The following CNTNAP5 variants were observed in gnomAD, a reference collection of about 807,000 sequenced individuals.
The protein encoded by CNTNAP5 is contactin associated protein family member 5, also known as contactin-associated protein-like 5.
Under a neutral mutation model 150.2 loss-of-function variants are expected in CNTNAP5, and 72 were observed. That is an observed-to-expected ratio of 0.48 (90% CI 0.40 to 0.58). CNTNAP5 has a LOEUF of 0.58. Ranked by LOEUF, CNTNAP5 falls within the 20% of genes least tolerant of loss-of-function variation. The probability of loss-of-function intolerance (pLI) is 0.00; values close to 1 mark genes in which losing one functional copy is unlikely to be tolerated. For synonymous variants in CNTNAP5, 672 were observed against 619.8 expected (o/e 1.08, Z -1.25); for missense variants, 1,636 against 1,626.2 (o/e 1.01, Z -0.10).
chr2:124,302,816 C>T (rs2104647786), intron 3 of CNTNAP5, among the ~76,000 whole-genome samples: 1 of 152,272 alleles, frequency 6.6e-6, no homozygotes, highest in East Asian at 1.9e-4. Flanking sequence ...GAGTGTGTTG[C>T]AAAGAGTACT....
intron 22 of CNTNAP5, among the ~76,000 whole-genome samples, chr2:124,906,120 C>A (rs1031858840): frequency 6.6e-6 from 1 of 152,070 alleles, no homozygotes; most frequent in Non-Finnish European, 1.5e-5. Flanking sequence ...ATGACTAATA[C>A]ACTGAGATAA....
chr2:124,415,595 G>C (rs1691896920), intron 3 of CNTNAP5, among the ~76,000 whole-genome samples: 1 of 152,136 alleles, frequency 6.6e-6, no homozygotes, highest in African/African-American at 2.4e-5. Flanking sequence ...TTCATTGGTT[G>C]ACATTGATTG....
At chr2:124,371,648 A>T (rs1690529769) in intron 3 of CNTNAP5, among the ~76,000 whole-genome samples, 1 of 152,118 alleles carries the variant, frequency 6.6e-6, no homozygotes, top group Non-Finnish European at 1.5e-5. Context: ...CTCTTAGAGA[A>T]ATGTTGTAGT....
At chr2:124,528,708 A>G (rs1695034539) in intron 10 of CNTNAP5, among the ~76,000 whole-genome samples, 1 of 152,138 alleles carries the variant, frequency 6.6e-6, no homozygotes, top group Admixed American at 6.5e-5. Context: ...ACCAGTCATG[A>G]AGGACTTTGT....
chr2:124,759,541 G>A (rs572978176), intron 14 of CNTNAP5, among the ~76,000 whole-genome samples: 7 of 149,862 alleles, frequency 4.7e-5, no homozygotes, highest in South Asian at 4.2e-4. Context: ...CATCTCTAAC[G>A]TCTTGAGGGT....
intron 1 of CNTNAP5, among the ~76,000 whole-genome samples, chr2:124,120,089 G>A (rs1683525628): frequency 1.3e-5 from 2 of 152,170 alleles, no homozygotes; most frequent in Admixed American, 1.3e-4. Flanking sequence ...GAGGACCACT[G>A]TTCTGGGGAT....
chr2:124,806,235 G>A (rs1200728144), intron 19 of CNTNAP5, among the ~76,000 whole-genome samples: 2 of 151,992 alleles, frequency 1.3e-5, no homozygotes, highest in Admixed American at 6.6e-5. Context: ...AATGTATTTT[G>A]AATCTAGTAG....
intron 12 of CNTNAP5, among the ~76,000 whole-genome samples, chr2:124,640,273 C>G (rs1174582862): frequency 6.6e-6 from 1 of 152,136 alleles, no homozygotes; most frequent in African/African-American, 2.4e-5. Flanking sequence ...GAAAAATTAC[C>G]CCCCTGAAAA....
At chr2:124,165,914 G>C (rs902790315) in intron 1 of CNTNAP5, among the ~76,000 whole-genome samples, 3 of 152,140 alleles carry the variant, frequency 2.0e-5, no homozygotes, top group Admixed American at 6.6e-5. Flanking sequence ...CAAGGCATGT[G>C]CCATTCATTT....
chr2:124,447,394 C>T (rs547138212), intron 6 of CNTNAP5, among the ~76,000 whole-genome samples: 9 of 152,290 alleles, frequency 5.9e-5, no homozygotes, highest in Non-Finnish European at 1.2e-4. Context: ...AATACCGTGG[C>T]GAGCTGTTTC....
chr2:124,421,443 T>C (rs911537442), intron 4 of CNTNAP5, among the ~76,000 whole-genome samples: 1 of 152,196 alleles, frequency 6.6e-6, no homozygotes, highest in African/African-American at 2.4e-5. Context: ...TAACTTCAAG[T>C]CCTGCGCAAC....
chr2:124,722,053 G>C (rs1216152006), intron 13 of CNTNAP5, among the ~76,000 whole-genome samples: 2 of 151,990 alleles, frequency 1.3e-5, no homozygotes, highest in African/African-American at 2.4e-5. Context: ...CACATAAACA[G>C]TCCTGTTTTA....
At chr2:124,353,389 G>GTT (rs147695088) in intron 3 of CNTNAP5, among the ~76,000 whole-genome samples, 2 of 144,438 alleles carry the variant, frequency 1.4e-5, no homozygotes, top group African/African-American at 2.5e-5. Flanking sequence ...TTTTTTCTTT[G>GTT]TTTTTTTTTC....
intron 13 of CNTNAP5, among the ~76,000 whole-genome samples, chr2:124,654,612 C>G (rs1678401110): frequency 6.6e-6 from 1 of 152,184 alleles, no homozygotes; most frequent in Non-Finnish European, 1.5e-5. Flanking sequence ...TATGTTCTTG[C>G]TGCGGCCCAC....
intron 3 of CNTNAP5, among the ~76,000 whole-genome samples, chr2:124,257,702 A>T (rs1687346771): frequency 6.6e-6 from 1 of 151,958 alleles, no homozygotes; most frequent in African/African-American, 2.4e-5. Context: ...ATTCTTCTCT[A>T]GATTTGGTTA....
intron 3 of CNTNAP5, among the ~76,000 whole-genome samples, chr2:124,253,347 G>T (rs1031098067): frequency 1.3e-5 from 2 of 152,014 alleles, no homozygotes; most frequent in Admixed American, 1.3e-4. Context: ...AAATATATGT[G>T]TCTATACATA....
At chr2:124,597,913 C>T (rs1411657623) in intron 11 of CNTNAP5, among the ~76,000 whole-genome samples, 2 of 136,492 alleles carry the variant, frequency 1.5e-5, no homozygotes, top group East Asian at 5.5e-4. Flanking sequence ...ATTGCTGATA[C>T]CCTTTCTTCC....
At chr2:124,541,922 A>G (rs966967183) in intron 10 of CNTNAP5, among the ~76,000 whole-genome samples, 3 of 152,172 alleles carry the variant, frequency 2.0e-5, no homozygotes, top group Admixed American at 1.3e-4. Flanking sequence ...TCCATGTCAT[A>G]GTGGATTCCC....
chr2:124,272,161 G>A (rs568523430), intron 3 of CNTNAP5, among the ~76,000 whole-genome samples: 2 of 152,118 alleles, frequency 1.3e-5, no homozygotes, highest in East Asian at 1.9e-4. Flanking sequence ...CTCCACATTT[G>A]AGACTTTGCT....
Sources: allele counts gnomAD v4.1 joint callset (sites outside exome capture counted in the v4.1 genomes callset), GRCh38; gene constraint gnomAD v4.1.1; transcripts MANE v1.5; gene names NCBI Gene and HGNC (gene_info 2026-07-23, HGNC 2026-07-21).